Variants in PDXDC1 observed in about 807,000 individuals in gnomAD.
PDXDC1 encodes the protein pyridoxal dependent decarboxylase domain containing 1.
Under a neutral mutation model 100.1 loss-of-function variants are expected in PDXDC1, and 42 were observed. That is an observed-to-expected ratio of 0.42 (90% CI 0.33 to 0.54). The LOEUF is 0.54. Ranked by LOEUF, PDXDC1 falls within the 20% of genes least tolerant of loss-of-function variation. The pLI is 0.10. For synonymous variants in PDXDC1, 260 were observed against 371.7 expected, an observed-to-expected ratio of 0.70 and a Z score of 3.46; for missense variants, 636 against 979.2, an observed-to-expected ratio of 0.65 and a Z score of 4.68.
intron 16 of PDXDC1, among the ~76,000 whole-genome samples, chr16:15,092,791 T>A (rs1340639355): frequency 6.6e-6 from 1 of 152,188 alleles, no homozygotes; most frequent in Non-Finnish European, 1.5e-5. Flanking sequence ...ATAACTGTCT[T>A]CCCACTGCAC....
chr16:15,061,748 AGGGGACTGGGTTGCATGTACAACACGGGT>A (rs755688222), intron 16 of PDXDC1: 3 of 1,606,818 alleles, frequency 1.9e-6, no homozygotes, highest in Non-Finnish European at 2.6e-6. Flanking sequence ...CTGCCGTCAG[AGGGGACTGGGTTGCATGTACAACACGGGT>A]GGGGAGCCCA....
At position 15,018,911 on chromosome 16, in the gene PDXDC1, A is replaced by T. The variant is rs2041982002; in HGVS notation, c.1035A>T (p.Leu345Phe). 1 of 1,612,936 alleles carries T rather than the reference A, an allele frequency of 6.2e-7. No homozygotes were observed. The highest frequency in any genetic ancestry group is 1.7e-5 in the Admixed American group (1 of 59,996). ...GTGCCCTGCCTCTGTGGTTATCTTT[A>T]CAATACTTGGGACTTGATGGGTTTG... Reference protein sequence around the residue: ...KLRALPLWLSLQYLGLDGFVE... With the variant: ...KLRALPLWLSFQYLGLDGFVE... Residue 345 changes from leucine to phenylalanine, a missense_variant, in exon 12 of 23, where the codon TTA becomes TTT. By Grantham distance (22) the Leu-to-Phe change is conservative. Coordinates refer to ENST00000396410, the MANE Select transcript of PDXDC1 (RefSeq NM_015027.4).
chr16:15,009,473 T>C, intron 7 of PDXDC1: 1 of 981,790 alleles, frequency 1.0e-6, no homozygotes, highest in East Asian at 2.8e-5. Flanking sequence ...TTTTTACCTT[T>C]AATTTTGTTT....
chr16:15,125,097 A>G, intron 16 of PDXDC1: 1 of 400,680 alleles, frequency 2.5e-6, no homozygotes, highest in South Asian at 2.3e-5. Flanking sequence ...CAGTGAGCCG[A>G]GATCGTACCA....
chr16:14,982,027 A>G (rs1207428488), intron 1 of PDXDC1, among the ~76,000 whole-genome samples: 3 of 152,252 alleles, frequency 2.0e-5, no homozygotes, highest in South Asian at 2.1e-4. Context: ...ACAGGGTTTC[A>G]TCATGTTGGC....
At position 14,975,032 on chromosome 16, in the gene PDXDC1, A is replaced by G. The variant is rs1320728118; in HGVS notation, c.-168A>G. On this transcript the variant is annotated 5_prime_UTR_variant, in exon 1 of 23. Coordinates refer to ENST00000396410, the MANE Select transcript of PDXDC1 (RefSeq NM_015027.4). ...CGGGGCCCCGCCCCGCCGCCTCTCA[A>G]CCATCAGGTTCGGCAGCCCGCGGCG... The G allele has an allele frequency of 2.5e-5, 39 of 1,529,918 alleles. No individual in the cohort carries two copies. The highest frequency in any genetic ancestry group is 8.4e-5 in the South Asian group (7 of 83,702). 94.8% of individuals were successfully genotyped at this position (1,529,918 alleles called of 1,614,324 possible).
At chr16:15,130,524 A>G in intron 16 of PDXDC1, 1 of 1,329,834 alleles carries the variant, frequency 7.5e-7, no homozygotes, top group East Asian at 2.3e-5. Flanking sequence ...CCCAGAGCCC[A>G]TACCCGGTCC....
intron 16 of PDXDC1, chr16:15,130,964 C>T (rs1435837563): frequency 4.0e-6 from 3 of 759,382 alleles, no homozygotes; most frequent in African/African-American, 3.4e-5. Context: ...CCGGCCAGGC[C>T]CCCAGCAGCC....
intron 16 of PDXDC1, chr16:15,125,353 C>T: frequency 2.7e-6 from 2 of 731,104 alleles, no homozygotes; most frequent in East Asian, 2.7e-5. Flanking sequence ...CAGCAAGGTA[C>T]CAGGGGATGT....
chr16:15,024,861 T>C (rs1318383566), intron 13 of PDXDC1, among the ~76,000 whole-genome samples: 4 of 152,310 alleles, frequency 2.6e-5, no homozygotes, highest in Non-Finnish European at 5.9e-5. Context: ...TTCATCACTC[T>C]TACTACTATC....
chr16:15,089,841 C>G (rs1315280180), intron 16 of PDXDC1, among the ~76,000 whole-genome samples: 1 of 139,622 alleles, frequency 7.2e-6, no homozygotes, highest in Non-Finnish European at 1.5e-5. Flanking sequence ...ACAGGAGGAT[C>G]AGAAACGCTG....
chr16:15,078,139 T>C (rs561928691), intron 16 of PDXDC1, among the ~76,000 whole-genome samples: 8 of 152,344 alleles, frequency 5.3e-5, no homozygotes, highest in Admixed American at 1.3e-4. Context: ...CTTAAGTATA[T>C]ACCAGAGAAA....
chr16:14,980,998 G>T (rs1967848391), intron 1 of PDXDC1, among the ~76,000 whole-genome samples: 1 of 152,298 alleles, frequency 6.6e-6, no homozygotes, highest in Admixed American at 6.5e-5. Flanking sequence ...GCCCCTGCAG[G>T]AGGTTGCGTT....
intron 2 of PDXDC1, 152 bp downstream of exon 2, chr16:14,997,978 G>A: frequency 1.3e-6 from 1 of 784,642 alleles, no homozygotes. Context: ...TGGGTAAAAG[G>A]TGCCTTGTAA....
At chr16:15,149,709 G>T in the PDXDC1 span, among the ~76,000 whole-genome samples, 2 of 152,120 alleles carry the variant, frequency 1.3e-5, no homozygotes, top group African/African-American at 4.8e-5. Flanking sequence ...CCCTCGATGT[G>T]CCCAGTCCTG....
rs537511086 is a variant in PDXDC1 at position 15,083,778 on chromosome 16, G to C, written c.1399+53722G>C. 4 of 583,310 alleles carry C rather than the reference G, an allele frequency of 6.9e-6. No homozygotes were observed. The African/African-American group carries it at 7.7e-5, about 11-fold the overall frequency. The allele number at this position is 583,310 out of a possible 1,614,324, so 36.1% of individuals were successfully genotyped here. On this transcript the variant is annotated intron_variant, in intron 16 of 16. Coordinates refer to the PDXDC1 transcript ENST00000535621. ...GTTGCCCAGGCTGGAGTGCAGTGGC[G>C]CAATCTCAGCTCACTGCAACCTCCG...
intron 1 of PDXDC1, among the ~76,000 whole-genome samples, chr16:14,987,436 CGT>C (rs1969632048): frequency 3.3e-5 from 5 of 152,364 alleles, no homozygotes; most frequent in African/African-American, 4.8e-5. Flanking sequence ...TGTGTAGAGG[CGT>C]TAATTATTAG....
At chr16:15,088,547 C>A (rs1434212457) in intron 16 of PDXDC1, among the ~76,000 whole-genome samples, 10 of 151,964 alleles carry the variant, frequency 6.6e-5, no homozygotes, top group Non-Finnish European at 1.5e-4. Flanking sequence ...AGAATGAGAA[C>A]TGCTGATACA....
At chr16:15,151,979 G>A in the PDXDC1 span, among the ~76,000 whole-genome samples, 3 of 145,246 alleles carry the variant, frequency 2.1e-5, no homozygotes, top group African/African-American at 5.0e-5. Context: ...GGGAAGGGTC[G>A]GGGCAGGGAG....
Sources: gnomAD v4.1 joint callset for allele counts (sites outside exome capture counted in the v4.1 genomes callset) on GRCh38, gnomAD v4.1.1 for gene constraint, MANE v1.5 for transcripts, NCBI Gene and HGNC (gene_info 2026-07-23, HGNC 2026-07-21) for gene names.